LOC400499: variants seen among roughly 807,000 people sequenced by gnomAD.
the LOC400499 span, among the ~76,000 whole-genome samples, chr16:11,509,843 A>G: frequency 6.6e-6 from 1 of 151,984 alleles, no homozygotes; most frequent in Non-Finnish European, 1.5e-5. Context: ...AAAAAACAAA[A>G]CACAACAAAA....
chr16:11,377,201 AATCC>A, the LOC400499 span, among the ~76,000 whole-genome samples: 1 of 152,216 alleles, frequency 6.6e-6, no homozygotes, highest in Non-Finnish European at 1.5e-5. Flanking sequence ...TTGATTTTGT[AATCC>A]TGAAACTTTG....
the LOC400499 span, among the ~76,000 whole-genome samples, chr16:11,487,602 G>C: frequency 6.6e-6 from 1 of 152,192 alleles, no homozygotes; most frequent in Non-Finnish European, 1.5e-5. Flanking sequence ...CAGGCAGAGA[G>C]GAGGTGCCCA....
chr16:11,471,531 G>C, the LOC400499 span: 1 of 398,488 alleles, frequency 2.5e-6, no homozygotes, highest in Non-Finnish European at 4.4e-6. Context: ...GAAACCTACA[G>C]CAAGACCAGC....
chr16:11,484,821 G>C, the LOC400499 span: 1 of 355,130 alleles, frequency 2.8e-6, no homozygotes. Context: ...AAAAGTCCAC[G>C]CATGAAGCGG....
chr16:11,388,680 A>C, the LOC400499 span, among the ~76,000 whole-genome samples: 3 of 152,188 alleles, frequency 2.0e-5, no homozygotes, highest in Non-Finnish European at 2.9e-5. Flanking sequence ...CATCCTTCCT[A>C]GGTCAGAGCA....
At chr16:11,501,221 G>GCA in the LOC400499 span, among the ~76,000 whole-genome samples, 3 of 150,720 alleles carry the variant, frequency 2.0e-5, no homozygotes, top group East Asian at 1.9e-4. Flanking sequence ...ACACAAGTCC[G>GCA]TACCCAGTGC....
At chr16:11,515,951 G>C in the LOC400499 span, 1 of 388,512 alleles carries the variant, frequency 2.6e-6, no homozygotes, top group African/African-American at 2.1e-5. Flanking sequence ...CAGGGCCTGA[G>C]AATGGAGTGA....
chr16:11,499,720 C>G, the LOC400499 span, among the ~76,000 whole-genome samples: 2 of 152,276 alleles, frequency 1.3e-5, no homozygotes, highest in African/African-American at 4.8e-5. Flanking sequence ...CCCAGGGACC[C>G]CAGCTGCCTG....
chr16:11,398,961 T>C, the LOC400499 span, among the ~76,000 whole-genome samples: 2 of 152,192 alleles, frequency 1.3e-5, no homozygotes, highest in African/African-American at 4.8e-5. Flanking sequence ...GGATTTCTGC[T>C]GTGAGCACTT....
the LOC400499 span, among the ~76,000 whole-genome samples, chr16:11,407,630 T>A: frequency 1.3e-5 from 2 of 152,204 alleles, no homozygotes; most frequent in African/African-American, 4.8e-5. Context: ...AGAATTCTAG[T>A]TGTAGTACTG....
chr16:11,495,962 T>C, the LOC400499 span, among the ~76,000 whole-genome samples: 13 of 152,270 alleles, frequency 8.5e-5, no homozygotes, highest in African/African-American at 2.9e-4. Flanking sequence ...AATCCAGCCC[T>C]GGGGCCCTGG....
At chr16:11,449,477 G>A in the LOC400499 span, among the ~76,000 whole-genome samples, 94 of 152,240 alleles carry the variant, frequency 6.2e-4, 1 homozygote, top group Middle Eastern at 3.4e-3. Flanking sequence ...CATGGTCTTC[G>A]GGAGTCCTAG....
At chr16:11,476,908 C>A in the LOC400499 span, 1 of 399,228 alleles carries the variant, frequency 2.5e-6, no homozygotes, top group Non-Finnish European at 4.4e-6. Flanking sequence ...CCCCAGGATG[C>A]CCGCTGTGCC....
chr16:11,436,610 C>T, the LOC400499 span, among the ~76,000 whole-genome samples: 2 of 151,598 alleles, frequency 1.3e-5, no homozygotes, highest in Non-Finnish European at 2.9e-5. Context: ...TGTTCTGAGA[C>T]GGAGTCTTGC....
At chr16:11,468,533 C>T in the LOC400499 span, among the ~76,000 whole-genome samples, 1 of 152,288 alleles carries the variant, frequency 6.6e-6, no homozygotes, top group Admixed American at 6.5e-5. Context: ...GCTATGTTGC[C>T]CAGGTTTATC....
the LOC400499 span, among the ~76,000 whole-genome samples, chr16:11,516,996 C>T: frequency 7.2e-5 from 11 of 152,102 alleles, no homozygotes; most frequent in African/African-American, 2.2e-4. Flanking sequence ...ACAGCAAATA[C>T]GGGGAGAGGC....
the LOC400499 span, among the ~76,000 whole-genome samples, chr16:11,439,794 G>A: frequency 6.6e-6 from 1 of 152,000 alleles, no homozygotes; most frequent in Admixed American, 6.5e-5. Context: ...ATGGGGGGCT[G>A]GGAAGACCAC....
At chr16:11,427,190 T>G in the LOC400499 span, among the ~76,000 whole-genome samples, 2 of 150,592 alleles carry the variant, frequency 1.3e-5, no homozygotes, top group African/African-American at 4.9e-5. Context: ...AAACCCCGTC[T>G]CTACTAACAA....
the LOC400499 span, among the ~76,000 whole-genome samples, chr16:11,455,741 G>GAA: frequency 0.02 from 2,597 of 131,716 alleles, 50 homozygotes; most frequent in Non-Finnish European, 0.029. Flanking sequence ...TCTCAAAAAA[G>GAA]AAAAAAAAAA....
Sources: gnomAD v4.1 joint callset for allele counts (sites outside exome capture counted in the v4.1 genomes callset) on GRCh38, gnomAD v4.1.1 for gene constraint, MANE v1.5 for transcripts.